DLG2: variants seen among roughly 807,000 people sequenced by gnomAD.
The protein encoded by DLG2 is disks large homolog 2.
Under a neutral mutation model 132.5 loss-of-function variants are expected in DLG2, and 45 were observed. The ratio of observed to expected loss-of-function variants is 0.34; its 90% CI spans 0.27 to 0.44. The LOEUF is 0.44. DLG2 is among the 20% of genes least tolerant of loss of function. DLG2 has a pLI of 1.00. For synonymous variants in DLG2, 424 were observed against 419.6 expected (o/e 1.01, Z -0.13); for missense variants, 1,045 against 1,196.9 (o/e 0.87, Z 1.87).
intron 11 of DLG2, among the ~76,000 whole-genome samples, chr11:84,054,502 A>T (rs1279408488): frequency 6.6e-6 from 1 of 151,994 alleles, no homozygotes; most frequent in Non-Finnish European, 1.5e-5. Context: ...ACAATGACCA[A>T]ATCTATAACT....
Position 84,251,285 on chromosome 11 carries a change from G to A in DLG2, c.526C>T (p.Pro176Ser), listed in dbSNP as rs1226023254. The A allele has an allele frequency of 6.3e-7, 1 of 1,584,498 alleles. No homozygotes were observed. Among genetic ancestry groups the A allele is most frequent in the Non-Finnish European group, 8.6e-7 (1 of 1,169,352 alleles). The change falls in exon 8 of 28, where the codon CCT becomes TCT. Residue 176 changes from proline (P) to serine (S), a missense_variant. Physicochemically the swap from Pro to Ser is moderately conservative, Grantham distance 74. Coordinates refer to ENST00000376104, the MANE Select transcript of DLG2 (RefSeq NM_001142699.3). The stretch of plus-strand genomic sequence containing the variant: ...TCTGTGTTGACAATTATAGGAGCAG[G>A]ACTGGCCTGAAAAAAGAAATAGAAA... ...QSHISPLKASPAPIIVNTDTL... is the reference protein window; with the variant it reads ...QSHISPLKASSAPIIVNTDTL...
intron 3 of DLG2, among the ~76,000 whole-genome samples, chr11:85,289,248 T>C (rs2078743994): frequency 6.6e-6 from 1 of 152,104 alleles, no homozygotes; most frequent in African/African-American, 2.4e-5. Flanking sequence ...CCCTTGTCAC[T>C]TTCCAAGCAT....
chr11:84,769,959 G>A (rs533443777), intron 6 of DLG2, among the ~76,000 whole-genome samples: 1 of 152,310 alleles, frequency 6.6e-6, no homozygotes, highest in South Asian at 2.1e-4. Context: ...CATTATAAGA[G>A]ATCTCGGTAT....
At chr11:84,357,554 C>A (rs907267599) in intron 7 of DLG2, among the ~76,000 whole-genome samples, 8 of 151,968 alleles carry the variant, frequency 5.3e-5, no homozygotes, top group African/African-American at 1.9e-4. Context: ...CCCCAAGGCA[C>A]ATAAAGCAGG....
chr11:84,665,520 T>C (rs999518220), intron 6 of DLG2, among the ~76,000 whole-genome samples: 1 of 152,118 alleles, frequency 6.6e-6, no homozygotes, highest in Non-Finnish European at 1.5e-5. Flanking sequence ...CCTTCTGGAA[T>C]TCCCCTTCAG....
At chr11:85,264,195 G>T (rs556666962) in intron 4 of DLG2, among the ~76,000 whole-genome samples, 36 of 152,182 alleles carry the variant, frequency 2.4e-4, no homozygotes, top group Non-Finnish European at 4.6e-4. Context: ...ATCACGTTTT[G>T]GAGTTTCTTT....
rs917105519 is a variant in DLG2, at chr11:84,506,168, C to T, written c.519+28402G>A. Among the ~76,000 whole-genome samples the T allele has an allele frequency of 3.4e-5, 5 of 148,296 alleles. No individual in the cohort carries two copies. In the East Asian group the frequency reaches 9.8e-4, roughly 29 times the overall value. ...TCGGCTCACTGCAAGCTCCGCCTCC[C>T]GGGTTCAAGCCATTCTCCTGCCTCA... On this transcript the variant is annotated intron_variant, in intron 7 of 27. Transcript: ENST00000376104.
intron 8 of DLG2, among the ~76,000 whole-genome samples, chr11:84,194,218 GA>G (rs2096469149): frequency 6.6e-6 from 1 of 152,116 alleles, no homozygotes; most frequent in Non-Finnish European, 1.5e-5. Flanking sequence ...TTTGTGTCCA[GA>G]ATTGGTGGGT....
At chr11:83,670,688 G>T (rs1323863025) in intron 18 of DLG2, among the ~76,000 whole-genome samples, 3 of 151,988 alleles carry the variant, frequency 2.0e-5, no homozygotes, top group Non-Finnish European at 4.4e-5. Flanking sequence ...CATCATGAAT[G>T]TTTTAATAAA....
At chr11:85,344,477 A>C (rs1186716596) in intron 3 of DLG2, among the ~76,000 whole-genome samples, 1 of 152,158 alleles carries the variant, frequency 6.6e-6, no homozygotes, top group Non-Finnish European at 1.5e-5. Flanking sequence ...AATTTATATG[A>C]TAACTACTTC....
In DLG2 at chr11:84,363,971, T is replaced by G. The variant is rs569478806; in HGVS notation, c.520-112680A>C. Among the ~76,000 whole-genome samples, 213 of 152,240 alleles carry G rather than the reference T, an allele frequency of 1.4e-3. 1 individual carries two copies. Among genetic ancestry groups the G allele is most frequent in the African/African-American group, 4.9e-3 (202 of 41,562 alleles). ...TGCCTCCAGCTTTGTTCTTTAGGCT[T>G]AGGATTGACTTGGTGATGAGGGCTC... On this transcript the variant is annotated intron_variant, in intron 7 of 27. Coordinates refer to ENST00000376104, the MANE Select transcript of DLG2 (RefSeq NM_001142699.3).
At chr11:84,117,464 T>C (rs1250613342) in intron 9 of DLG2, among the ~76,000 whole-genome samples, 1 of 152,208 alleles carries the variant, frequency 6.6e-6, no homozygotes, top group Non-Finnish European at 1.5e-5. Context: ...TTTTCTCATC[T>C]CCCTTCATTC....
At chr11:83,831,550 GAGAGAA>G (rs575676950) in intron 17 of DLG2, among the ~76,000 whole-genome samples, 32 of 152,134 alleles carry the variant, frequency 2.1e-4, no homozygotes, top group African/African-American at 6.7e-4. Flanking sequence ...GAGAGAGAGA[GAGAGAA>G]AGAGAGAGAG....
intron 6 of DLG2, among the ~76,000 whole-genome samples, chr11:84,855,991 G>A (rs1239962295): frequency 1.3e-5 from 2 of 152,004 alleles, no homozygotes; most frequent in East Asian, 1.9e-4. Context: ...CATCTGATGT[G>A]TAAATCCTCT....
At chr11:84,297,114 T>TAAC (rs1173996492) in intron 7 of DLG2, among the ~76,000 whole-genome samples, 4 of 137,522 alleles carry the variant, frequency 2.9e-5, no homozygotes, top group African/African-American at 7.7e-5. Context: ...CCATGTGAGG[T>TAAC]AACCTCAAAG....
chr11:84,096,473 T>C (rs188513467), intron 10 of DLG2, among the ~76,000 whole-genome samples: 77 of 152,314 alleles, frequency 5.1e-4, no homozygotes, highest in African/African-American at 1.9e-3. Context: ...TTCTCAGAGA[T>C]ATCACTTTTC....
rs114062356 is a variant in DLG2 at position 84,325,776 on chromosome 11, A to G, written c.520-74485T>C. On this transcript the variant is annotated intron_variant, in intron 7 of 27. Transcript: ENST00000376104. ...GCTAGCCTTATAAAATGAGTTTTGA[A>G]TTGTTCCTTCCTCTTCAATATTTTG... Among the ~76,000 whole-genome samples the G allele has an allele frequency of 1.5e-3, 229 of 152,184 alleles. 1 individual carries two copies. Among genetic ancestry groups the G allele is most frequent in the African/African-American group, 5.5e-3 (227 of 41,536 alleles).
At chr11:85,277,132 A>C (rs534464185) in intron 4 of DLG2, among the ~76,000 whole-genome samples, 117 of 152,300 alleles carry the variant, frequency 7.7e-4, no homozygotes, top group African/African-American at 2.7e-3. Context: ...CAGACAGTAA[A>C]GATTATGCTA....
At chr11:83,884,568 T>C (rs564466434) in intron 15 of DLG2, among the ~76,000 whole-genome samples, 3 of 152,314 alleles carry the variant, frequency 2.0e-5, no homozygotes, top group South Asian at 4.2e-4. Flanking sequence ...TAAATGTCCC[T>C]GTCGGACAGC....
Sources: gnomAD v4.1 joint callset for allele counts (sites outside exome capture counted in the v4.1 genomes callset) on GRCh38, gnomAD v4.1.1 for gene constraint, MANE v1.5 for transcripts, NCBI Gene and HGNC (gene_info 2026-07-23, HGNC 2026-07-21) for gene names.